CLINT1: variants seen among roughly 807,000 people sequenced by gnomAD.
The protein encoded by CLINT1 is clathrin interactor 1.
In CLINT1, 15 loss-of-function variants were observed where a neutral mutation model predicts 70.4. That is an observed-to-expected ratio of 0.21 (90% CI 0.14 to 0.33). CLINT1 has a LOEUF of 0.33. Ranked by LOEUF, CLINT1 falls within the 10% of genes least tolerant of loss-of-function variation. The probability of loss-of-function intolerance (pLI) is 1.00; values close to 1 mark genes in which losing one functional copy is unlikely to be tolerated. For synonymous variants in CLINT1, 227 were observed against 254.7 expected, an observed-to-expected ratio of 0.89 and a Z score of 1.04; for missense variants, 615 against 778.1, an observed-to-expected ratio of 0.79 and a Z score of 2.49.
intron 1 of CLINT1, among the ~76,000 whole-genome samples, chr5:157,835,040 G>A (rs1230690395): frequency 6.6e-6 from 1 of 152,092 alleles, no homozygotes; most frequent in African/African-American, 2.4e-5. Context: ...TCCCATCCGA[G>A]GTCAAACAAG....
intron 5 of CLINT1, among the ~76,000 whole-genome samples, chr5:157,810,582 A>C (rs1473922082): frequency 6.6e-6 from 1 of 152,206 alleles, no homozygotes; most frequent in African/African-American, 2.4e-5. Context: ...CAAAAAACCC[A>C]AAATGTCAAG....
rs1761759918 is a variant in CLINT1 at position 157,787,453 on chromosome 5, T to C, written c.*193A>G. ...GAAAAAAATGATTTTGACTGCCTCA[T>C]CTGAAGTGCTCTTGCCTGGCCCTCT... On this transcript the variant is annotated 3_prime_UTR_variant, in exon 12 of 12. Transcript: ENST00000411809. 2 of 606,074 alleles carry C rather than the reference T, an allele frequency of 3.3e-6. No individual in the cohort carries two copies. Among genetic ancestry groups the C allele is most frequent in the Non-Finnish European group, 5.8e-6 (2 of 345,612 alleles). 37.5% of individuals were successfully genotyped at this position (606,074 alleles called of 1,614,324 possible).
intron 3 of CLINT1, among the ~76,000 whole-genome samples, 183 bp from the exon 4 acceptor site, chr5:157,814,476 TTATA>T (rs1339940727): frequency 6.6e-6 from 1 of 152,248 alleles, no homozygotes; most frequent in Non-Finnish European, 1.5e-5. Flanking sequence ...GAAGTTCCTC[TTATA>T]TTAAGCATGA....
intron 1 of CLINT1, among the ~76,000 whole-genome samples, chr5:157,843,885 T>C (rs1753280202): frequency 6.6e-6 from 1 of 152,184 alleles, no homozygotes; most frequent in Non-Finnish European, 1.5e-5. Flanking sequence ...TATTGTACAG[T>C]CTGAGTGTAT....
At chr5:157,823,049 A>G (rs1156448604) in intron 1 of CLINT1, among the ~76,000 whole-genome samples, 1 of 152,162 alleles carries the variant, frequency 6.6e-6, no homozygotes, top group African/African-American at 2.4e-5. Context: ...AAATGAATCT[A>G]TATTTTTTAT....
intron 1 of CLINT1, among the ~76,000 whole-genome samples, chr5:157,826,392 C>T (rs1206286981): frequency 1.3e-5 from 2 of 152,098 alleles, no homozygotes; most frequent in Non-Finnish European, 2.9e-5. Flanking sequence ...TCAATCCAAG[C>T]TATTGCCAAA....
At chr5:157,814,148 T>C in intron 4 of CLINT1, 37 bp downstream of exon 4, 1 of 1,346,922 alleles carries the variant, frequency 7.4e-7, no homozygotes, top group Non-Finnish European at 1.0e-6. Context: ...CTCCAACTAC[T>C]GTTTTAATTT....
chr5:157,830,761 T>C (rs1300327438), intron 1 of CLINT1, among the ~76,000 whole-genome samples: 232 of 61,738 alleles, frequency 3.8e-3, no homozygotes, highest in African/African-American at 0.011. Context: ...TCTCTCCCTC[T>C]CTCTCTCTCT....
intron 1 of CLINT1, among the ~76,000 whole-genome samples, chr5:157,835,092 A>C (rs1332590005): frequency 6.6e-6 from 1 of 152,204 alleles, no homozygotes; most frequent in Admixed American, 6.5e-5. Context: ...AACCATAAAC[A>C]AGGGTCCTTT....
intron 4 of CLINT1, 45 bp from the exon 5 acceptor site, chr5:157,813,272 ATATG>A: frequency 1.3e-6 from 2 of 1,547,358 alleles, no homozygotes; most frequent in South Asian, 2.4e-5. Flanking sequence ...AATTCACTTA[ATATG>A]TATCAAGCTC....
At chr5:157,813,997 A>G (rs1293210303) in intron 4 of CLINT1, among the ~76,000 whole-genome samples, 188 bp downstream of exon 4, 4 of 152,186 alleles carry the variant, frequency 2.6e-5, no homozygotes. Context: ...GTTATTAGCC[A>G]GTCTTTTCTG....
In CLINT1 at chr5:157,845,779, C is replaced by T. The variant is rs573798632; in HGVS notation, c.41+13151G>A. Reference sequence around the variant, plus strand: ...CCGTGTTAGCCAGGATGGTCTCGATCTCCTGACCTCGTGATCCGCCTGCCT... The same window carrying T: ...CCGTGTTAGCCAGGATGGTCTCGATTTCCTGACCTCGTGATCCGCCTGCCT... On this transcript the variant is annotated intron_variant, in intron 1 of 11. Transcript: ENST00000411809. Among the ~76,000 whole-genome samples the T allele has an allele frequency of 6.9e-4, 105 of 152,318 alleles. 1 individual carries two copies. Among genetic ancestry groups the T allele is most frequent in the South Asian group, 4.8e-3 (23 of 4,824 alleles).
At chr5:157,853,173 C>A (rs145157130) in intron 1 of CLINT1, among the ~76,000 whole-genome samples, 1 of 150,504 alleles carries the variant, frequency 6.6e-6, no homozygotes, top group African/African-American at 2.4e-5. Flanking sequence ...AGTGATGAAA[C>A]CCCGTCTCTA....
intron 8 of CLINT1, among the ~76,000 whole-genome samples, chr5:157,796,389 C>G (rs1278504615): frequency 6.6e-6 from 1 of 152,056 alleles, no homozygotes; most frequent in Non-Finnish European, 1.5e-5. Context: ...TTTTTCTCAA[C>G]TTTAGTGAAA....
intron 1 of CLINT1, among the ~76,000 whole-genome samples, chr5:157,824,049 T>A (rs1762956794): frequency 6.6e-6 from 1 of 152,126 alleles, no homozygotes; most frequent in South Asian, 2.1e-4. Context: ...ACAAAACTGA[T>A]CCCTGGTGCC....
At chr5:157,837,768 C>T (rs568410870) in intron 1 of CLINT1, among the ~76,000 whole-genome samples, 1 of 151,720 alleles carries the variant, frequency 6.6e-6, no homozygotes, top group African/African-American at 2.4e-5. Flanking sequence ...CTCAGCCTCC[C>T]GAGTAGCTGG....
chr5:157,833,255 G>A (rs537374632), intron 1 of CLINT1, among the ~76,000 whole-genome samples: 2 of 152,106 alleles, frequency 1.3e-5, no homozygotes, highest in Admixed American at 6.5e-5. Flanking sequence ...GGAAGCTGAG[G>A]CAGGAGAATA....
intron 1 of CLINT1, among the ~76,000 whole-genome samples, chr5:157,853,350 A>G (rs960270717): frequency 3.4e-5 from 5 of 147,348 alleles, no homozygotes; most frequent in African/African-American, 1.3e-4. Flanking sequence ...CTCAAGAAAG[A>G]AAGAAAAAAA....
intron 1 of CLINT1, among the ~76,000 whole-genome samples, chr5:157,827,606 A>C (rs1367157409): frequency 1.3e-5 from 2 of 152,222 alleles, no homozygotes; most frequent in Non-Finnish European, 2.9e-5. Flanking sequence ...TTTATGTAAC[A>C]GATGTGCAAA....
Sources: allele counts gnomAD v4.1 joint callset (sites outside exome capture counted in the v4.1 genomes callset), GRCh38; gene constraint gnomAD v4.1.1; transcripts MANE v1.5; gene names NCBI Gene and HGNC (gene_info 2026-07-23, HGNC 2026-07-21).